The following CCDC6 variants were observed in gnomAD, a reference collection of about 807,000 sequenced individuals.
CCDC6 encodes the protein coiled-coil domain-containing protein 6.
A neutral mutation model predicts 56.6 loss-of-function variants in CCDC6; 20 were observed. That is an observed-to-expected ratio of 0.35 (90% CI 0.25 to 0.51). The LOEUF (loss-of-function observed/expected upper bound fraction) is 0.51. CCDC6 is among the 20% of genes least tolerant of loss of function. The pLI, the probability that CCDC6 is intolerant of heterozygous loss-of-function variation, is 0.95. For missense variants in CCDC6, 367 were observed against 601.1 expected (o/e 0.61, Z 4.07); for synonymous variants, 241 against 234.4 (o/e 1.03, Z -0.26).
chr10:59,853,743 G>C (rs764014683), intron 1 of CCDC6, among the ~76,000 whole-genome samples: 50 of 152,060 alleles, frequency 3.3e-4, no homozygotes, highest in Non-Finnish European at 6.8e-4. Flanking sequence ...GAATTTTTTG[G>C]AGATGAAGTC....
At chr10:59,864,489 G>A (rs1157704850) in intron 1 of CCDC6, among the ~76,000 whole-genome samples, 1 of 152,178 alleles carries the variant, frequency 6.6e-6, no homozygotes, top group Non-Finnish European at 1.5e-5. Flanking sequence ...ATACTAAGAT[G>A]TGAAAGGCTT....
At chr10:59,816,307 T>C (rs991124250) in intron 3 of CCDC6, among the ~76,000 whole-genome samples, 3 of 152,214 alleles carry the variant, frequency 2.0e-5, no homozygotes, top group African/African-American at 7.2e-5. Context: ...AAAACTCTCC[T>C]GTGACGACAC....
intron 1 of CCDC6, among the ~76,000 whole-genome samples, chr10:59,893,107 T>G (rs540214696): frequency 3.2e-4 from 48 of 152,346 alleles, no homozygotes; most frequent in African/African-American, 1.2e-3. Context: ...ACAAAATACA[T>G]TCTGTATAAT....
At chr10:59,797,588 CAAAAAAAA>C (rs10561094) in intron 7 of CCDC6, among the ~76,000 whole-genome samples, 11 of 31,596 alleles carry the variant, frequency 3.5e-4, no homozygotes, top group African/African-American at 1.2e-3. Context: ...AACCTCCTAG[CAAAAAAAA>C]AAAAAAAAAA....
At chr10:59,838,917 G>C (rs555194649) in intron 2 of CCDC6, among the ~76,000 whole-genome samples, 2 of 152,138 alleles carry the variant, frequency 1.3e-5, no homozygotes, top group Non-Finnish European at 1.5e-5. Context: ...AGCATAATGT[G>C]CACTCACCCT....
At chr10:59,905,946 G>A (rs1207984191) in intron 1 of CCDC6, among the ~76,000 whole-genome samples, 176 bp downstream of exon 1, 1 of 152,150 alleles carries the variant, frequency 6.6e-6, no homozygotes, top group Non-Finnish European at 1.5e-5. Context: ...AGACCCGCGT[G>A]GCCCCGAAGG....
rs376234238 is a variant in CCDC6, at chr10:59,794,505, C to T, written c.1198G>A (p.Val400Met). The T allele has an allele frequency of 5.0e-6, 8 of 1,614,114 alleles. No homozygotes were observed. The highest frequency in any genetic ancestry group is 2.7e-5 in the African/African-American group (2 of 75,048). The stretch of plus-strand genomic sequence containing the variant: ...CCATGGGATGTTCCCATGTGCTGCA[C>T]GTGAAGACCCGGGGAATTGTAATAA... ...MSYYNSPGLH[V>M]QHMGTSHGIT... Residue 400 changes from valine (V) to methionine (M), a missense_variant, in exon 8 of 9, where the codon GTG becomes ATG. Around this residue, in one of 7 missense-constraint regions of CCDC6, gnomAD observed 79 missense variants for 83.9 expected, o/e 0.94. Transcript: ENST00000263102.
At chr10:59,832,757 T>C in intron 2 of CCDC6, 104 bp from the exon 3 acceptor site, 2 of 1,228,208 alleles carry the variant, frequency 1.6e-6, no homozygotes, top group Non-Finnish European at 2.3e-6. Context: ...CCACAAAAGT[T>C]ACATTACCCA....
At chr10:59,881,464 C>T (rs182588288) in intron 1 of CCDC6, among the ~76,000 whole-genome samples, 1 of 152,268 alleles carries the variant, frequency 6.6e-6, no homozygotes, top group African/African-American at 2.4e-5. Flanking sequence ...AATTATGCCC[C>T]TTTCCTCTCT....
In CCDC6 at chr10:59,814,762, G is replaced by A. The variant is rs1211057335; in HGVS notation, c.583-7C>T. ...CAATCTTCTCCCGTCTCAACTAAAG[G>A]AAGGAAAAAAGTGTTACCAAAGTGT... On this transcript the variant is annotated splice_region_variant and splice_polypyrimidine_tract_variant and intron_variant, in intron 3 of 8. Transcript: ENST00000263102. 1 of 1,586,126 alleles carries A rather than the reference G, an allele frequency of 6.3e-7. No individual in the cohort carries two copies. The highest frequency in any genetic ancestry group is 1.3e-5 in the African/African-American group (1 of 74,338).
At chr10:59,858,936 G>A (rs1306295629) in intron 1 of CCDC6, among the ~76,000 whole-genome samples, 22 of 152,162 alleles carry the variant, frequency 1.4e-4, no homozygotes, top group Admixed American at 5.2e-4. Flanking sequence ...TTACAAGGTC[G>A]CTGTGCCTTT....
chr10:59,892,681 C>G (rs567198470), intron 1 of CCDC6, among the ~76,000 whole-genome samples: 129 of 92,122 alleles, frequency 1.4e-3, no homozygotes, highest in Non-Finnish European at 2.5e-3. Context: ...CACACATTAC[C>G]CCAAAACTTT....
Position 59,828,132 on chromosome 10 carries a change from A to C in CCDC6, c.582+4393T>G, listed in dbSNP as rs7893161. Among the ~76,000 whole-genome samples, 921 of 152,364 alleles carry C rather than the reference A, an allele frequency of 6.0e-3. 10 individuals carry two copies. The highest frequency in any genetic ancestry group is 0.021 in the African/African-American group (885 of 41,580). On this transcript the variant is annotated intron_variant, in intron 3 of 8. Transcript: ENST00000263102. ...ATTCAGAATAAGATTTCTTGACATGAACAGAAAATTCCAAGTTCCAAATGT... is the reference window on the plus strand; with the variant it reads ...ATTCAGAATAAGATTTCTTGACATGCACAGAAAATTCCAAGTTCCAAATGT...
rs2070467149 is a variant in CCDC6, at chr10:59,791,467, T to C, written c.*1450A>G. 1 of 196,616 alleles carries C rather than the reference T, an allele frequency of 5.1e-6. No homozygotes were observed. The highest frequency in any genetic ancestry group is 1.1e-5 in the Non-Finnish European group (1 of 94,448). The allele number at this position is 196,616 out of a possible 1,614,324, so 12.2% of individuals were successfully genotyped here. A position where few individuals can be genotyped will look rare whatever the true frequency, so the allele number is the denominator to read the frequency against. On this transcript the variant is annotated 3_prime_UTR_variant, in exon 9 of 9. Coordinates refer to ENST00000263102, the MANE Select transcript of CCDC6 (RefSeq NM_005436.5). ...CTACAATGTCATGGTTCCTTATTTT[T>C]AGGAGTGTGTTTAATAAAGAGTTGG... is the stretch of plus-strand genomic sequence containing the variant.
intron 5 of CCDC6, among the ~76,000 whole-genome samples, chr10:59,811,276 A>G (rs1052607104): frequency 1.3e-5 from 2 of 152,240 alleles, no homozygotes; most frequent in Admixed American, 1.3e-4. Context: ...CCACGGCACA[A>G]GAATTTGTAA....
Position 59,794,457 on chromosome 10 carries a change from C to A in CCDC6, c.1230+16G>T, listed in dbSNP as rs1468491623. The stretch of plus-strand genomic sequence containing the variant: ...TTCAGGAGTAAAGTGCTGCTTCCTA[C>A]CCCACGGACACTTACTGTGATACCA... On this transcript the variant is annotated intron_variant, in intron 8 of 8. Coordinates refer to ENST00000263102, the MANE Select transcript of CCDC6 (RefSeq NM_005436.5). The A allele has an allele frequency of 6.2e-7, 1 of 1,613,428 alleles. No homozygotes were observed. The highest frequency in any genetic ancestry group is 8.5e-7 in the Non-Finnish European group (1 of 1,179,590).
chr10:59,869,429 G>C (rs12262225), intron 1 of CCDC6, among the ~76,000 whole-genome samples: 2 of 103,120 alleles, frequency 1.9e-5, no homozygotes, highest in Non-Finnish European at 3.7e-5. Flanking sequence ...ACAGAAAAAA[G>C]AAAAAAAAAA....
At chr10:59,810,990 G>A (rs990632342) in intron 5 of CCDC6, among the ~76,000 whole-genome samples, 4 of 152,142 alleles carry the variant, frequency 2.6e-5, no homozygotes, top group African/African-American at 9.7e-5. Context: ...TGGTACGACT[G>A]CAAGGAAGGG....
At chr10:59,823,611 C>T (rs548782839) in intron 3 of CCDC6, among the ~76,000 whole-genome samples, 1 of 151,958 alleles carries the variant, frequency 6.6e-6, no homozygotes, top group African/African-American at 2.4e-5. Flanking sequence ...AACAGGGCAA[C>T]TTCTCTTGCC....
Sources: allele counts gnomAD v4.1 joint callset (sites outside exome capture counted in the v4.1 genomes callset), GRCh38; gene constraint gnomAD v4.1.1; regional missense constraint gnomAD v4.1.1; transcripts MANE v1.5; gene names NCBI Gene and HGNC (gene_info 2026-07-23, HGNC 2026-07-21).